Variants in CDH13 observed in about 807,000 individuals in gnomAD.
The protein encoded by CDH13 is cadherin-13.
A neutral mutation model predicts 63.8 loss-of-function variants in CDH13; 24 were observed. That is an observed-to-expected ratio of 0.38 (90% confidence interval 0.27 to 0.53). The LOEUF is 0.53. Among genes scored for constraint, CDH13 ranks in the 20% least tolerant of loss-of-function variants. The pLI is 0.85. For synonymous variants in CDH13, 503 were observed against 355.3 expected (o/e 1.42, Z -4.67); for missense variants, 1,049 against 903.1 (o/e 1.16, Z -2.07).
intron 1 of CDH13, among the ~76,000 whole-genome samples, chr16:82,815,408 G>A (rs1485513364): frequency 6.6e-6 from 1 of 152,132 alleles, no homozygotes; most frequent in Non-Finnish European, 1.5e-5. Context: ...AGGATTACAC[G>A]AGCTGGTGGT....
intron 2 of CDH13, among the ~76,000 whole-genome samples, chr16:82,862,839 G>A (rs574578153): frequency 6.6e-6 from 1 of 152,268 alleles, no homozygotes; most frequent in East Asian, 1.9e-4. Flanking sequence ...TCCTCCCAGT[G>A]GTTGCCCTCC....
At chr16:83,335,049 A>G (rs2090564523) in intron 5 of CDH13, among the ~76,000 whole-genome samples, 1 of 152,214 alleles carries the variant, frequency 6.6e-6, no homozygotes, top group Non-Finnish European at 1.5e-5. Flanking sequence ...CATTGTATCC[A>G]TGGTGGAAAA....
chr16:83,367,054 C>T (rs189845149), intron 6 of CDH13, among the ~76,000 whole-genome samples: 102 of 152,096 alleles, frequency 6.7e-4, no homozygotes, highest in Non-Finnish European at 1.3e-3. Flanking sequence ...ACACAATCAT[C>T]GCCACAATCA....
At chr16:82,829,438 T>G (rs2038423452) in intron 1 of CDH13, 1 of 152,134 alleles carries the variant, frequency 6.6e-6, no homozygotes, top group Non-Finnish European at 1.5e-5. Flanking sequence ...GGGCCAGTAT[T>G]GCATTTACTT....
At chr16:83,703,688 A>G (rs1906585843) in intron 10 of CDH13, among the ~76,000 whole-genome samples, 1 of 152,226 alleles carries the variant, frequency 6.6e-6, no homozygotes. Context: ...GAACACATAC[A>G]TTACTTTTAT....
At chr16:83,316,387 G>C (rs780501002) in intron 5 of CDH13, among the ~76,000 whole-genome samples, 4 of 152,180 alleles carry the variant, frequency 2.6e-5, no homozygotes, top group Non-Finnish European at 4.4e-5. Flanking sequence ...TATTTCATAT[G>C]TGTCACGAGC....
intron 1 of CDH13, among the ~76,000 whole-genome samples, chr16:82,776,055 C>G (rs1396170395): frequency 6.6e-6 from 1 of 152,096 alleles, no homozygotes; most frequent in Non-Finnish European, 1.5e-5. Context: ...CCTAAAAATA[C>G]AAAAATTAGC....
chr16:82,898,939 C>T (rs2041363657), intron 2 of CDH13, among the ~76,000 whole-genome samples: 1 of 152,234 alleles, frequency 6.6e-6, no homozygotes, highest in Non-Finnish European at 1.5e-5. Flanking sequence ...ATATGGGCTT[C>T]CCTGGAAGGG....
At chr16:83,022,320 C>G (rs966500615) in intron 2 of CDH13, among the ~76,000 whole-genome samples, 1 of 152,144 alleles carries the variant, frequency 6.6e-6, no homozygotes, top group Non-Finnish European at 1.5e-5. Flanking sequence ...CAAGGAATAC[C>G]AGGATAGCTG....
Position 83,228,789 on chromosome 16 carries a change from C to G in CDH13, c.636+11292C>G, listed in dbSNP as rs114619134. 3.5e-3 allele frequency among the ~76,000 whole-genome samples: 538 copies of G among 152,176 alleles called. 6 individuals carry two copies. Among genetic ancestry groups the G allele is most frequent in the African/African-American group, 0.012 (509 of 41,498 alleles). ...AGTGAGCTTAGACATGATACTCCTG[C>G]GGCGAAAGGGACAAATGATGGAGGA... On this transcript the variant is annotated intron_variant, in intron 5 of 13. Transcript: ENST00000567109.
At chr16:83,221,914 G>C (rs1316128550) in intron 5 of CDH13, among the ~76,000 whole-genome samples, 1 of 152,162 alleles carries the variant, frequency 6.6e-6, no homozygotes, top group Non-Finnish European at 1.5e-5. Context: ...GACATACACA[G>C]ACCTATGAAA....
At chr16:83,136,486 CAAAAAA>C (rs542700844) in intron 4 of CDH13, among the ~76,000 whole-genome samples, 8 of 61,548 alleles carry the variant, frequency 1.3e-4, no homozygotes, top group African/African-American at 4.4e-4. Context: ...ACTCTGTCTC[CAAAAAA>C]AAAAAAAAAA....
intron 3 of CDH13, among the ~76,000 whole-genome samples, chr16:83,120,763 C>CTTTTTT (rs750711823): frequency 5.0e-5 from 3 of 60,222 alleles, no homozygotes; most frequent in African/African-American, 1.5e-4. Flanking sequence ...AATTTTCTTT[C>CTTTTTT]TTTTTTTTTT....
chr16:82,836,810 C>G (rs1413923531), intron 1 of CDH13, among the ~76,000 whole-genome samples: 1 of 152,176 alleles, frequency 6.6e-6, no homozygotes, highest in Non-Finnish European at 1.5e-5. Flanking sequence ...CATAGTCATT[C>G]TAATCTGCAT....
chr16:83,073,158 C>T (rs1057395798), intron 3 of CDH13, among the ~76,000 whole-genome samples: 11 of 152,196 alleles, frequency 7.2e-5, no homozygotes, highest in African/African-American at 2.6e-4. Context: ...ATGAAATTAT[C>T]CAGGCAGGCT....
intron 4 of CDH13, among the ~76,000 whole-genome samples, chr16:83,147,135 T>A (rs553842516): frequency 2.6e-5 from 4 of 152,268 alleles, no homozygotes; most frequent in African/African-American, 7.2e-5. Flanking sequence ...AGCGATAGCA[T>A]AGTGTAACAT....
At chr16:82,820,922 G>A (rs2037974929) in intron 1 of CDH13, among the ~76,000 whole-genome samples, 2 of 152,132 alleles carry the variant, frequency 1.3e-5, no homozygotes, top group Admixed American at 1.3e-4. Flanking sequence ...CTCTGGTGGA[G>A]TCTGGCCCGG....
chr16:83,514,304 T>G (rs931270675), intron 7 of CDH13, among the ~76,000 whole-genome samples: 1 of 152,210 alleles, frequency 6.6e-6, no homozygotes, highest in Non-Finnish European at 1.5e-5. Context: ...GAGGTTATGC[T>G]GGATTAGGGT....
intron 1 of CDH13, among the ~76,000 whole-genome samples, chr16:82,668,807 G>C (rs1460516147): frequency 1.3e-5 from 2 of 152,194 alleles, no homozygotes; most frequent in Admixed American, 6.5e-5. Context: ...ACAGGGAAAA[G>C]CAAGGAGTGA....
Sources: allele counts gnomAD v4.1 joint callset (sites outside exome capture counted in the v4.1 genomes callset), GRCh38; gene constraint gnomAD v4.1.1; transcripts MANE v1.5; gene names NCBI Gene and HGNC (gene_info 2026-07-23, HGNC 2026-07-21).